Variants in EIF3B observed in about 807,000 individuals in gnomAD.
The protein encoded by EIF3B is eukaryotic translation initiation factor 3 subunit 9.
In EIF3B, 10 loss-of-function variants were observed where a neutral mutation model predicts 104.6. The ratio of observed to expected loss-of-function variants is 0.10; its 90% CI spans 0.06 to 0.16. The LOEUF (loss-of-function observed/expected upper bound fraction) is 0.16. EIF3B is among the 10% of genes least tolerant of loss of function. The pLI is 1.00. For synonymous variants in EIF3B, 542 were observed against 417.2 expected (o/e 1.30, Z -3.65); for missense variants, 1,014 against 1,087.9 (o/e 0.93, Z 0.96).
In EIF3B at chr7:2,364,453, G is replaced by A; in HGVS notation, c.1081G>A (p.Gly361Arg). The A allele has an allele frequency of 1.9e-6, 3 of 1,613,378 alleles. No homozygotes were observed. The highest frequency in any genetic ancestry group is 2.5e-6 in the Non-Finnish European group (3 of 1,179,720). The change falls in exon 6 of 19, where the codon GGG becomes AGG. Residue 361 changes from glycine (G) to arginine (R), a missense_variant. By Grantham distance (125) the Gly-to-Arg change is moderately radical (BLOSUM62 -2). Transcript: ENST00000360876. ...TCATCAAAGAGGCATTGCTCTATGGGGGGGAGAGAAATTCAAGCAAATTCA... is the reference window on the plus strand; with the variant it reads ...TCATCAAAGAGGCATTGCTCTATGGAGGGGAGAGAAATTCAAGCAAATTCA... ...TFHQRGIALWGGEKFKQIQRF... is the reference protein window; with the variant it reads ...TFHQRGIALWRGEKFKQIQRF...
chr7:2,354,260 G>C (rs1276289828), upstream of EIF3B: 1 of 152,250 alleles, frequency 6.6e-6, no homozygotes, highest in African/African-American at 2.4e-5. Context: ...TTCTAGTCGT[G>C]TGGGCCCTCT....
intron 2 of EIF3B, among the ~76,000 whole-genome samples, chr7:2,361,938 G>GGCTT (rs1415650847): frequency 4.2e-5 from 6 of 144,204 alleles, no homozygotes; most frequent in East Asian, 3.9e-4. Context: ...TACCACGCCT[G>GGCTT]GCTTGCTTGC....
intron 1 of EIF3B, 147 bp downstream of exon 1, chr7:2,355,567 G>A (rs978769749): frequency 8.6e-7 from 1 of 1,161,842 alleles, no homozygotes; most frequent in Non-Finnish European, 1.1e-6. Context: ...ACCGAGGGAG[G>A]GGTTCCCGAG....
At chr7:2,370,409 A>AGAGCTTGCAGTGAACAGAGC (rs1780266387) in intron 10 of EIF3B, among the ~76,000 whole-genome samples, 1 of 151,832 alleles carries the variant, frequency 6.6e-6, no homozygotes, top group Non-Finnish European at 1.5e-5. Context: ...CCCAGGAGGC[A>AGAGCTTGCAGTGAACAGAGC]GAGCTTGCAG....
At chr7:2,372,553 A>C (rs1352714540) in intron 11 of EIF3B, 120 bp from the exon 12 acceptor site, 1 of 1,295,190 alleles carries the variant, frequency 7.7e-7, no homozygotes, top group East Asian at 2.4e-5. Flanking sequence ...CCGTCCTTTT[A>C]ATGAACTTTT....
Position 2,364,517 on chromosome 7 carries a change from C to T in EIF3B, c.1145C>T (p.Ser382Leu). Residue 382 changes from serine (S) to leucine (L), a missense_variant, in exon 6 of 19, where the codon TCA becomes TTA. Ser to Leu is a moderately radical substitution (Grantham distance 145, BLOSUM62 -2). This residue lies in a region of EIF3B where 201 missense variants were observed against 240.7 expected (regional missense o/e 0.83). Transcript: ENST00000360876. ...SHQGVQLIDFSPCERYLVTFS... is the reference protein window; with the variant it reads ...SHQGVQLIDFLPCERYLVTFS... Reference sequence around the variant, plus strand: ...CAAGGGGTTCAGCTTATTGACTTCTCACCTTGTGAAAGGTAAGCTGCTAGA... The same window carrying T: ...CAAGGGGTTCAGCTTATTGACTTCTTACCTTGTGAAAGGTAAGCTGCTAGA... 1.9e-6 allele frequency: 3 copies of T among 1,612,560 alleles called. No homozygotes were observed. Among genetic ancestry groups the T allele is most frequent in the Non-Finnish European group, 2.5e-6 (3 of 1,179,486 alleles).
chr7:2,360,102 C>T (rs1339170672), intron 1 of EIF3B, among the ~76,000 whole-genome samples: 1 of 152,090 alleles, frequency 6.6e-6, no homozygotes, highest in African/African-American at 2.4e-5. Context: ...ATCCAGTTCA[C>T]GGCCTGAAAA....
chr7:2,359,525 TCTC>T (rs1229026021), intron 1 of EIF3B, among the ~76,000 whole-genome samples: 1 of 152,160 alleles, frequency 6.6e-6, no homozygotes, highest in African/African-American at 2.4e-5. Flanking sequence ...GCTCTGCGCT[TCTC>T]CTCCATCTGC....
chr7:2,368,165 CAG>C (rs1177009996), intron 9 of EIF3B, among the ~76,000 whole-genome samples: 6 of 151,824 alleles, frequency 4.0e-5, no homozygotes, highest in African/African-American at 1.2e-4. Flanking sequence ...TTTTTTGAGA[CAG>C]AGTCTTACTC....
chr7:2,363,487 C>T (rs528469674), intron 4 of EIF3B, 145 bp from the exon 5 acceptor site: 2 of 742,842 alleles, frequency 2.7e-6, no homozygotes, highest in East Asian at 5.5e-5. Flanking sequence ...AAAAGAAATG[C>T]TAGACGGTGT....
At chr7:2,367,126 A>C in intron 9 of EIF3B, 81 bp downstream of exon 9, 5 of 1,263,826 alleles carry the variant, frequency 4.0e-6, no homozygotes, top group East Asian at 2.4e-5. Flanking sequence ...AAAACACAAT[A>C]CCATAGGCTG....
intron 1 of EIF3B, among the ~76,000 whole-genome samples, chr7:2,357,334 G>A (rs554064253): frequency 6.6e-6 from 1 of 152,282 alleles, no homozygotes; most frequent in Admixed American, 6.5e-5. Flanking sequence ...TGGTCCTGAG[G>A]ACTAAGGCTC....
At chr7:2,374,662 G>C in intron 13 of EIF3B, 56 bp downstream of exon 13, 1 of 1,538,240 alleles carries the variant, frequency 6.5e-7, no homozygotes, top group Non-Finnish European at 8.9e-7. Context: ...TGCTGTGGCA[G>C]AGACCCCTCA....
chr7:2,354,855 C>T lies in EIF3B; in HGVS notation c.-67C>T, dbSNP rs1449194538. 1 of 1,074,298 alleles carries T rather than the reference C, an allele frequency of 9.3e-7. No individual in the cohort carries two copies. The highest frequency in any genetic ancestry group is 6.0e-5 in the East Asian group (1 of 16,606). The allele number at this position is 1,074,298 out of a possible 1,614,324, so 66.5% of individuals were successfully genotyped here. A position where few individuals can be genotyped will look rare whatever the true frequency, so the allele number is the denominator to read the frequency against. ...GCTGGGCTGTAGCCGTCGCGGCGCG[C>T]GGTGCGGCCTGGGAGAGTCGGAAGC... On this transcript the variant is annotated 5_prime_UTR_variant, in exon 1 of 19. Transcript: ENST00000360876.
upstream of EIF3B, chr7:2,354,812 C>T (rs530571554): frequency 1.7e-5 from 17 of 1,002,806 alleles, no homozygotes; most frequent in East Asian, 9.4e-4. Flanking sequence ...GGTGCGGCCT[C>T]CCCGTCGCAC....
chr7:2,378,853 C>T, intron 16 of EIF3B, 87 bp downstream of exon 16: 2 of 1,190,376 alleles, frequency 1.7e-6, no homozygotes, highest in Non-Finnish European at 2.4e-6. Flanking sequence ...TGTGTATGTG[C>T]TCAGAGTTGC....
At chr7:2,367,290 G>T (rs10260603) in intron 9 of EIF3B, among the ~76,000 whole-genome samples, 1 of 151,458 alleles carries the variant, frequency 6.6e-6, no homozygotes, top group Non-Finnish European at 1.5e-5. Context: ...TCCGTGGCCT[G>T]TTCTGTAAAG....
rs374173451 is a variant in EIF3B at position 2,364,434 on chromosome 7, A to G, written c.1062A>G (p.Gln354=). ...PKGTYLATFH[Q]RGIALWGGEK... The stretch of plus-strand genomic sequence containing the variant: ...GCACCTACCTGGCTACCTTTCATCA[A>G]AGAGGCATTGCTCTATGGGGGGGAG... The change falls in exon 6 of 19, where the codon CAA becomes CAG. Residue 354 remains glutamine (Q), a synonymous_variant. Coordinates refer to ENST00000360876, the MANE Select transcript of EIF3B (RefSeq NM_001037283.2). 1.9e-6 allele frequency: 3 copies of G among 1,613,112 alleles called. No individual in the cohort carries two copies. The highest frequency in any genetic ancestry group is 2.7e-5 in the African/African-American group (2 of 74,888).
intron 16 of EIF3B, 101 bp from the exon 17 acceptor site, chr7:2,379,033 T>C (rs1261427379): frequency 3.1e-6 from 3 of 978,388 alleles, no homozygotes; most frequent in Admixed American, 2.2e-5. Context: ...TGAGTGCCTC[T>C]GTATGCTGTC....
Sources: gnomAD v4.1 joint callset for allele counts (sites outside exome capture counted in the v4.1 genomes callset) on GRCh38, gnomAD v4.1.1 for gene constraint, gnomAD v4.1.1 regional missense constraint, MANE v1.5 for transcripts, NCBI Gene and HGNC (gene_info 2026-07-23, HGNC 2026-07-21) for gene names.